NCOR2: variants seen among roughly 807,000 people sequenced by gnomAD.
NCOR2 encodes nuclear receptor corepressor 2.
In NCOR2, 81 loss-of-function variants were observed where a neutral mutation model predicts 262.9. The ratio of observed to expected loss-of-function variants is 0.31; its 90% confidence interval spans 0.26 to 0.37. The LOEUF is 0.37. NCOR2 is among the 10% of genes least tolerant of loss of function. The pLI, the probability that NCOR2 is intolerant of heterozygous loss-of-function variation, is 1.00. For synonymous variants in NCOR2, 1,659 were observed against 1,559.3 expected, an observed-to-expected ratio of 1.06 and a Z score of -1.51; for missense variants, 3,385 against 3,621.4, an observed-to-expected ratio of 0.93 and a Z score of 1.68.
chr12:124,339,784 T>TCCAC (rs1361068165), intron 37 of NCOR2, among the ~76,000 whole-genome samples: 1 of 91,572 alleles, frequency 1.1e-5, no homozygotes, highest in South Asian at 4.6e-4. Flanking sequence ...CATCCATCCA[T>TCCAC]CCACCCACGC....
In NCOR2 at chr12:124,456,738, C is replaced by A. The variant is rs577421649; in HGVS notation, c.762+368G>T. On this transcript the variant is annotated intron_variant, in intron 6 of 46. Coordinates refer to ENST00000405201, the Ensembl canonical transcript of NCOR2. ...TGAAGCGGTGCACCTGGGAGTGGAC[C>A]GAGATTGTGTGACCCAGAGAACCGG... 2.6e-5 allele frequency among the ~76,000 whole-genome samples: 4 copies of A among 152,306 alleles called. No homozygotes were observed. The South Asian group carries it at 8.3e-4, about 32-fold the overall frequency.
intron 7 of NCOR2, among the ~76,000 whole-genome samples, chr12:124,445,782 T>G (rs1314727875): frequency 6.6e-6 from 1 of 152,230 alleles, no homozygotes; most frequent in African/African-American, 2.4e-5. Flanking sequence ...CCCAGAACAG[T>G]GCCTGGCGTG....
intron 1 of NCOR2, among the ~76,000 whole-genome samples, chr12:124,489,583 T>C (rs148924822): frequency 9.2e-5 from 14 of 152,316 alleles, no homozygotes; most frequent in Non-Finnish European, 1.8e-4. Flanking sequence ...CTGACCCAGC[T>C]GCTCAGAAAG....
At chr12:124,472,748 A>G (rs1565975290) in intron 4 of NCOR2, among the ~76,000 whole-genome samples, 2 of 152,238 alleles carry the variant, frequency 1.3e-5, no homozygotes, top group South Asian at 4.1e-4. Flanking sequence ...ACAGTGGAAC[A>G]TGGCTATCCT....
intron 1 of NCOR2, among the ~76,000 whole-genome samples, chr12:124,488,614 G>A (rs895747670): frequency 2.6e-4 from 40 of 152,366 alleles, no homozygotes; most frequent in Non-Finnish European, 4.6e-4. Flanking sequence ...GGAGAAGGGA[G>A]AAGACGGGGC....
rs577603952 is a variant in NCOR2, at chr12:124,483,108, C to T, written c.411+488G>A. 2.0e-5 allele frequency among the ~76,000 whole-genome samples: 3 copies of T among 152,218 alleles called. No homozygotes were observed. The South Asian group carries it at 6.2e-4, about 32-fold the overall frequency. ...GGTTCAAGGCCCAGGGGGCTGCCTG[C>T]TGTGCAGGGCTCGAGGCAGGGGTCA... On this transcript the variant is annotated intron_variant, in intron 3 of 46. Coordinates refer to ENST00000405201, the Ensembl canonical transcript of NCOR2. The surrounding 1 kb of genome is among the most constrained non-coding windows in gnomAD (Gnocchi z 6.3).
At position 124,389,127 on chromosome 12, in the gene NCOR2, C is replaced by A. The variant is rs531612708; in HGVS notation, c.1877-3240G>T. Among the ~76,000 whole-genome samples, 1 of 152,360 alleles carries A rather than the reference C, an allele frequency of 6.6e-6. No homozygotes were observed. The highest frequency in any genetic ancestry group is 1.9e-4 in the East Asian group (1 of 5,186). On this transcript the variant is annotated intron_variant, in intron 16 of 46. Coordinates refer to ENST00000405201, the Ensembl canonical transcript of NCOR2. This position sits in a 1 kb window ranked among gnomAD's most constrained non-coding sequence, Gnocchi z 4.4. The stretch of plus-strand genomic sequence containing the variant: ...GGGATGCCCCTGGGCCAGGTATCAC[C>A]GGGGCGCAGCGTGCCGAGCTCCTCC...
chr12:124,513,634 T>G (rs7304356), intron 1 of NCOR2: 17,985 of 152,250 alleles, frequency 0.12, 1,264 homozygotes, highest in Non-Finnish European at 0.16. Context: ...TCTCTGTGCC[T>G]TATCAGGAGA....
At chr12:124,450,289 T>G (rs1209051213) in intron 6 of NCOR2, among the ~76,000 whole-genome samples, 1 of 152,152 alleles carries the variant, frequency 6.6e-6, no homozygotes, top group Non-Finnish European at 1.5e-5. Flanking sequence ...CCACCCCCAC[T>G]GACCAGCAAA....
rs745312035 is a variant in NCOR2, at chr12:124,325,500, C to T, written c.7447G>A (p.Ala2483Thr). 2.5e-4 allele frequency: 333 copies of T among 1,355,254 alleles called. No homozygotes were observed. The highest frequency in any genetic ancestry group is 3.0e-4 in the Non-Finnish European group (316 of 1,050,196). 84.0% of individuals were successfully genotyped at this position (1,355,254 alleles called of 1,614,324 possible). The change falls in exon 47 of 47, where the codon GCG (alanine) becomes ACG (threonine). Residue 2483 changes from alanine to threonine, a missense_variant. Ala to Thr is a moderately conservative substitution (Grantham distance 58). Transcript: ENST00000405201. ...GGGCCAGCGAGGGGCCCGCTGCCCG[C>T]GGGGAGGCCCGGTGGGGGTGGGGAA...
chr12:124,354,910 G>A, exon 25 of NCOR2: 3 of 1,612,698 alleles, frequency 1.9e-6, no homozygotes, highest in Non-Finnish European at 2.5e-6. Flanking sequence ...CATGCTCTGA[G>A]TACGGGACGT....
rs1244374022 is a variant in NCOR2, at chr12:124,326,239, G to A, written c.7315C>T (p.Arg2439Trp). Residue 2439 changes from arginine to tryptophan, a missense_variant, in exon 46 of 47, where the codon CGG (arginine) becomes TGG (tryptophan). This residue lies in a region of NCOR2 where 1,017 missense variants were observed against 967.2 expected (regional missense o/e 1.05). Transcript: ENST00000405201. ...CACACGCGGTTGGTGAGCGGCGTCC[G>A]GCGGTTGCAGTCTCCCTCCGAGTGC... The A allele has an allele frequency of 9.1e-6, 14 of 1,545,180 alleles. No individual in the cohort carries two copies. The highest frequency in any genetic ancestry group is 7.4e-5 in the East Asian group (3 of 40,334).
intron 1 of NCOR2, among the ~76,000 whole-genome samples, chr12:124,527,561 G>A (rs1415222564): frequency 6.6e-6 from 1 of 152,022 alleles, no homozygotes; most frequent in Non-Finnish European, 1.5e-5. Flanking sequence ...GGGATTACAG[G>A]CGCCCGCCAC....
chr12:124,354,513 C>G, exon 26 of NCOR2: 8 of 1,592,518 alleles, frequency 5.0e-6, no homozygotes, highest in Non-Finnish European at 6.8e-6. Context: ...TGTGGGCACC[C>G]CCAGGCTCTC....
chr12:124,436,936 A>G (rs547481940), intron 8 of NCOR2, among the ~76,000 whole-genome samples: 3 of 151,978 alleles, frequency 2.0e-5, no homozygotes, highest in Non-Finnish European at 4.4e-5. Flanking sequence ...AAATACAAAA[A>G]TTAGCCGGGC....
chr12:124,407,887 T>C (rs544493156), intron 13 of NCOR2, among the ~76,000 whole-genome samples: 7 of 152,128 alleles, frequency 4.6e-5, no homozygotes, highest in African/African-American at 1.4e-4. Flanking sequence ...CTGGGGTTGG[T>C]GTGGAAAGTG....
intron 12 of NCOR2, among the ~76,000 whole-genome samples, chr12:124,420,321 A>C (rs183099092): frequency 4.6e-5 from 7 of 152,238 alleles, no homozygotes; most frequent in African/African-American, 1.7e-4. Flanking sequence ...CAGAGCAAAC[A>C]TGATGGAAGT....
chr12:124,394,877 T>C (rs1193672933), intron 16 of NCOR2, among the ~76,000 whole-genome samples: 1 of 152,180 alleles, frequency 6.6e-6, no homozygotes, highest in East Asian at 1.9e-4. Flanking sequence ...ACTGTACAGA[T>C]GAAGAAACTG....
chr12:124,507,286 G>A (rs2049102180), intron 1 of NCOR2, among the ~76,000 whole-genome samples: 1 of 152,200 alleles, frequency 6.6e-6, no homozygotes, highest in African/African-American at 2.4e-5. Context: ...TAAACAATAT[G>A]GCTATTCTTA....
Sources: gnomAD v4.1 joint callset for allele counts (sites outside exome capture counted in the v4.1 genomes callset) on GRCh38, gnomAD v4.1.1 for gene constraint, gnomAD v4.1.1 regional missense constraint, Gnocchi (gnomAD v3.1) non-coding constraint, MANE v1.5 for transcripts, NCBI Gene and HGNC (gene_info 2026-07-23, HGNC 2026-07-21) for gene names.